Variants in FANK1 observed in about 807,000 individuals in gnomAD.
FANK1 encodes fibronectin type III and ankyrin repeat domains 1, also known as fibronectin type 3 and ankyrin repeat domains protein 1.
A neutral mutation model predicts 45.3 loss-of-function variants in FANK1; 44 were observed. That is an observed-to-expected ratio of 0.97 (90% CI 0.76 to 1.25). The LOEUF (loss-of-function observed/expected upper bound fraction) is 1.25, where lower values mean the gene tolerates loss of function less well. FANK1 is among the 50% of genes most tolerant of loss of function. The probability of loss-of-function intolerance (pLI) is 0.00; values close to 1 mark genes in which losing one functional copy is unlikely to be tolerated. For synonymous variants in FANK1, 149 were observed against 152.5 expected (o/e 0.98, Z 0.17); for missense variants, 391 against 424.4 (o/e 0.92, Z 0.69).
At chr10:125,959,194 C>G (rs757733163) in intron 1 of FANK1, among the ~76,000 whole-genome samples, 1 of 151,772 alleles carries the variant, frequency 6.6e-6, no homozygotes, top group Non-Finnish European at 1.5e-5. Flanking sequence ...GTCAGGAGTT[C>G]GAGACCAGCC....
intron 2 of FANK1, among the ~76,000 whole-genome samples, chr10:125,987,926 T>A (rs2134209728): frequency 6.6e-6 from 1 of 152,348 alleles, no homozygotes; most frequent in East Asian, 1.9e-4. Flanking sequence ...TGGATTTCCA[T>A]CGTGAGTCTC....
intron 1 of FANK1, among the ~76,000 whole-genome samples, chr10:125,966,199 G>A (rs527962715): frequency 6.6e-6 from 1 of 152,260 alleles, no homozygotes; most frequent in East Asian, 1.9e-4. Context: ...CAACTTTTGG[G>A]CAGTTTGCAC....
chr10:125,907,256 C>T (rs866187479), intron 1 of FANK1, among the ~76,000 whole-genome samples: 53 of 152,318 alleles, frequency 3.5e-4, no homozygotes, highest in Middle Eastern at 6.8e-3. Context: ...GATAACTCTT[C>T]ACTCCTTATA....
At chr10:125,935,701 TTAAC>T (rs150593207) in intron 1 of FANK1, among the ~76,000 whole-genome samples, 2,083 of 152,332 alleles carry the variant, frequency 0.014, 64 homozygotes, top group East Asian at 0.096. Context: ...ATAACATTTA[TTAAC>T]TAATTGTCCA....
At chr10:126,001,046 TATC>T (rs1341340450) in intron 6 of FANK1, among the ~76,000 whole-genome samples, 6 of 152,226 alleles carry the variant, frequency 3.9e-5, no homozygotes, top group Non-Finnish European at 7.3e-5. Context: ...TGTGAATTGG[TATC>T]ATCTTTCTGG....
At chr10:125,959,847 T>G (rs926579678) in intron 1 of FANK1, among the ~76,000 whole-genome samples, 1 of 152,192 alleles carries the variant, frequency 6.6e-6, no homozygotes, top group African/African-American at 2.4e-5. Context: ...AAATAAAACA[T>G]ACATGATATT....
intron 1 of FANK1, among the ~76,000 whole-genome samples, chr10:125,945,531 T>G (rs910728594): frequency 1.3e-5 from 2 of 152,210 alleles, no homozygotes. Flanking sequence ...CCGAATATTG[T>G]GCTTTTCAGA....
At chr10:125,970,579 G>A (rs148669083) in intron 1 of FANK1, among the ~76,000 whole-genome samples, 1,972 of 152,332 alleles carry the variant, frequency 0.013, 46 homozygotes, top group African/African-American at 0.045. Flanking sequence ...TCGGGAGGCC[G>A]AGGTGGGCAG....
rs1264250772 is a variant in FANK1, at chr10:125,994,028, A to T, written c.317-1389A>T. The stretch of plus-strand genomic sequence containing the variant: ...GAAACCCAGAGAAAAAGTGTCTCCT[A>T]TGCCCAGGAACTGGCATCCCAGAGA... On this transcript the variant is annotated intron_variant, in intron 3 of 10. Coordinates refer to ENST00000368693, the MANE Select transcript of FANK1 (RefSeq NM_145235.5). 3.9e-5 allele frequency among the ~76,000 whole-genome samples: 6 copies of T among 152,302 alleles called. No individual in the cohort carries two copies. In the South Asian group the frequency reaches 1.2e-3, roughly 32 times the overall value.
At chr10:125,907,404 C>G (rs993948394) in intron 1 of FANK1, 6 of 765,898 alleles carry the variant, frequency 7.8e-6, no homozygotes, top group African/African-American at 1.9e-5. Context: ...AAGATGTTTC[C>G]CATGATCTCA....
chr10:125,961,064 C>T (rs1949893863), intron 1 of FANK1, among the ~76,000 whole-genome samples: 1 of 152,082 alleles, frequency 6.6e-6, no homozygotes, highest in African/African-American at 2.4e-5. Flanking sequence ...ACAGAATAGA[C>T]CACACAGAAA....
chr10:126,000,589 T>C (rs187084882), intron 6 of FANK1, among the ~76,000 whole-genome samples: 2 of 152,168 alleles, frequency 1.3e-5, no homozygotes, highest in East Asian at 3.9e-4. Flanking sequence ...AATTAAGAAT[T>C]AAATGTAAAA....
chr10:125,967,979 G>T (rs1950279548), intron 1 of FANK1, among the ~76,000 whole-genome samples: 2 of 151,802 alleles, frequency 1.3e-5, no homozygotes, highest in Admixed American at 1.3e-4. Context: ...ATCTAAAACG[G>T]TTTTATCACA....
intron 2 of FANK1, chr10:125,981,012 T>A (rs888187361): frequency 2.4e-5 from 3 of 126,662 alleles, no homozygotes; most frequent in African/African-American, 8.8e-5. Context: ...TGTTTACTTG[T>A]TTGCTTAGTT....
chr10:125,974,008 AGTT>A (rs141204905), intron 1 of FANK1, among the ~76,000 whole-genome samples: 2 of 152,290 alleles, frequency 1.3e-5, no homozygotes, highest in East Asian at 1.9e-4. Flanking sequence ...AATTTCTTTT[AGTT>A]GTTGTATAGG....
chr10:125,918,295 C>G (rs1319992284), intron 1 of FANK1, among the ~76,000 whole-genome samples: 2 of 151,780 alleles, frequency 1.3e-5, no homozygotes, highest in Admixed American at 1.3e-4. Flanking sequence ...CAGTGGCTCA[C>G]GCCTGTAATC....
chr10:125,949,901 C>G (rs1218660398), intron 1 of FANK1, among the ~76,000 whole-genome samples: 2 of 144,006 alleles, frequency 1.4e-5, no homozygotes, highest in Admixed American at 7.0e-5. Context: ...CAGCATGGTA[C>G]TGGTACCAAA....
intron 1 of FANK1, among the ~76,000 whole-genome samples, chr10:125,900,675 G>A (rs113961958): frequency 5.9e-5 from 9 of 151,666 alleles, no homozygotes; most frequent in Non-Finnish European, 1.2e-4. Flanking sequence ...TTTTTGAGAC[G>A]GAGTCTCACT....
chr10:125,993,529 C>CAGTG (rs1385434034), intron 3 of FANK1, among the ~76,000 whole-genome samples: 1 of 152,194 alleles, frequency 6.6e-6, no homozygotes, highest in Non-Finnish European at 1.5e-5. Context: ...GGTTCCTTGG[C>CAGTG]CTCTATCCTC....
Sources: allele counts gnomAD v4.1 joint callset (sites outside exome capture counted in the v4.1 genomes callset), GRCh38; gene constraint gnomAD v4.1.1; transcripts MANE v1.5; gene names NCBI Gene and HGNC (gene_info 2026-07-23, HGNC 2026-07-21).